Variants in WDPCP observed in about 807,000 individuals in gnomAD.
The protein encoded by WDPCP is WD repeat-containing and planar cell polarity effector protein fritz homolog.
A neutral mutation model predicts 93.1 loss-of-function variants in WDPCP; 71 were observed. That is an observed-to-expected ratio of 0.76 (90% CI 0.63 to 0.93). WDPCP has a LOEUF of 0.93. Ranked by LOEUF, WDPCP falls within the 40% of genes least tolerant of loss-of-function variation. The probability of loss-of-function intolerance (pLI) is 0.00; values close to 1 mark genes in which losing one functional copy is unlikely to be tolerated. For missense variants in WDPCP, 844 were observed against 887.4 expected (o/e 0.95, Z 0.62); for synonymous variants, 315 against 315.0 (o/e 1.00, Z 0.00).
At chr2:63,154,275 T>G (rs568239888) in intron 15 of WDPCP, among the ~76,000 whole-genome samples, 1 of 152,176 alleles carries the variant, frequency 6.6e-6, no homozygotes, top group East Asian at 1.9e-4. Flanking sequence ...AGTTTCATCA[T>G]GCCAAAAAAC....
intron 12 of WDPCP, among the ~76,000 whole-genome samples, chr2:63,358,062 C>T (rs186417101): frequency 6.6e-6 from 1 of 152,088 alleles, no homozygotes; most frequent in East Asian, 1.9e-4. Context: ...ATGATACAAA[C>T]ATATGAACTG....
intron 14 of WDPCP, among the ~76,000 whole-genome samples, chr2:63,258,443 A>C (rs1681328496): frequency 6.6e-6 from 1 of 152,190 alleles, no homozygotes. Context: ...ATCAGAGAGA[A>C]GCTGACAATT....
intron 15 of WDPCP, among the ~76,000 whole-genome samples, chr2:63,156,857 A>G (rs558055097): frequency 1.3e-5 from 2 of 152,312 alleles, no homozygotes; most frequent in South Asian, 4.1e-4. Flanking sequence ...GGATGGTTTC[A>G]TTTCTTCTTT....
intron 2 of WDPCP, among the ~76,000 whole-genome samples, chr2:63,661,187 A>T (rs1710221845): frequency 6.6e-6 from 1 of 152,160 alleles, no homozygotes; most frequent in Non-Finnish European, 1.5e-5. Flanking sequence ...TTGCTTTAGG[A>T]TCTCTCACAA....
At chr2:63,837,212 G>A in the WDPCP span, among the ~76,000 whole-genome samples, 1 of 152,160 alleles carries the variant, frequency 6.6e-6, no homozygotes, top group Non-Finnish European at 1.5e-5. Context: ...TTCATTTTTA[G>A]ACAACTCATT....
intron 15 of WDPCP, among the ~76,000 whole-genome samples, chr2:63,158,893 C>G (rs748492996): frequency 7.0e-6 from 1 of 142,020 alleles, no homozygotes; most frequent in Admixed American, 7.6e-5. Context: ...TGCCAGCACT[C>G]TGGCAGGCTG....
At chr2:63,403,515 C>T (rs1056385728) in intron 10 of WDPCP, among the ~76,000 whole-genome samples, 3 of 152,144 alleles carry the variant, frequency 2.0e-5, no homozygotes, top group African/African-American at 7.2e-5. Context: ...AAATACCTAT[C>T]CTTTTGAATA....
chr2:63,699,416 A>T (rs527458510), intron 2 of WDPCP, among the ~76,000 whole-genome samples: 1 of 152,344 alleles, frequency 6.6e-6, no homozygotes, highest in African/African-American at 2.4e-5. Flanking sequence ...GCAAGTATTT[A>T]ACTAAAAAGA....
intron 3 of WDPCP, among the ~76,000 whole-genome samples, chr2:63,634,566 T>A (rs1486930811): frequency 2.0e-5 from 3 of 152,196 alleles, no homozygotes; most frequent in Non-Finnish European, 4.4e-5. Flanking sequence ...CAGCAGAATA[T>A]ACATTCATCT....
At position 63,706,937 on chromosome 2, in the gene WDPCP, A is replaced by T. The variant is rs546495968; in HGVS notation, n.309-56099T>A. On this transcript the variant is annotated intron_variant and non_coding_transcript_variant, in intron 2 of 4. Coordinates refer to the WDPCP transcript ENST00000467687. Reference sequence around the variant, plus strand: ...GGCCTTGAAAATTCTTTTCTTTAAGAATGTTGAATATTGGCCCCCCACTCT... The same window carrying T: ...GGCCTTGAAAATTCTTTTCTTTAAGTATGTTGAATATTGGCCCCCCACTCT... Among the ~76,000 whole-genome samples the T allele has an allele frequency of 2.5e-3, 374 of 152,186 alleles. 3 individuals carry two copies. The highest frequency in any genetic ancestry group is 8.6e-3 in the African/African-American group (357 of 41,506).
intron 14 of WDPCP, among the ~76,000 whole-genome samples, chr2:63,216,172 G>A (rs1677319627): frequency 1.3e-5 from 2 of 152,052 alleles, no homozygotes; most frequent in Non-Finnish European, 2.9e-5. Context: ...ATCTAGAACT[G>A]GAAATACGAT....
intron 1 of WDPCP, 84 bp downstream of exon 1, chr2:63,588,113 T>TAAA (rs1227489937): frequency 1.3e-6 from 2 of 1,493,790 alleles, no homozygotes; most frequent in Non-Finnish European, 1.8e-6. Flanking sequence ...GCACAGCGGA[T>TAAA]AAAAGCAAAG....
chr2:63,460,758 C>G (rs1363520867), intron 6 of WDPCP, among the ~76,000 whole-genome samples: 1 of 152,020 alleles, frequency 6.6e-6, no homozygotes, highest in Non-Finnish European at 1.5e-5. Context: ...TCCTGAGTTG[C>G]TGGGACTACA....
At chr2:63,664,281 G>A (rs1223857460) in intron 2 of WDPCP, among the ~76,000 whole-genome samples, 1 of 151,610 alleles carries the variant, frequency 6.6e-6, no homozygotes, top group Non-Finnish European at 1.5e-5. Context: ...GAAAATGGGT[G>A]GCTGGAAGAA....
chr2:63,681,446 G>A (rs1458066623), intron 2 of WDPCP, among the ~76,000 whole-genome samples: 2 of 152,150 alleles, frequency 1.3e-5, no homozygotes, highest in Non-Finnish European at 1.5e-5. Flanking sequence ...TCATGGAGTG[G>A]GGCTCCTCTT....
At chr2:63,528,449 C>G (rs566004030) in intron 1 of WDPCP, among the ~76,000 whole-genome samples, 214 of 152,306 alleles carry the variant, frequency 1.4e-3, no homozygotes, top group African/African-American at 4.9e-3. Flanking sequence ...AGCCAGTTTT[C>G]CCAGCACCAT....
chr2:63,178,477 C>T (rs1403985504), intron 14 of WDPCP, among the ~76,000 whole-genome samples: 1 of 152,106 alleles, frequency 6.6e-6, no homozygotes. Flanking sequence ...TGTAAGTTTT[C>T]CAGTTTGTTG....
intron 2 of WDPCP, among the ~76,000 whole-genome samples, chr2:63,685,941 C>T (rs1363027455): frequency 1.3e-5 from 2 of 152,086 alleles, no homozygotes; most frequent in African/African-American, 4.8e-5. Flanking sequence ...AAACTGGGTA[C>T]AGAAGAAACA....
At chr2:63,687,090 C>G (rs1422754335) in intron 2 of WDPCP, among the ~76,000 whole-genome samples, 1 of 151,556 alleles carries the variant, frequency 6.6e-6, no homozygotes, top group African/African-American at 2.4e-5. Context: ...AAAAATCGCA[C>G]AAATACTCAT....
Sources: gnomAD v4.1 joint callset for allele counts (sites outside exome capture counted in the v4.1 genomes callset) on GRCh38, gnomAD v4.1.1 for gene constraint, MANE v1.5 for transcripts, NCBI Gene and HGNC (gene_info 2026-07-23, HGNC 2026-07-21) for gene names.